The following NRG3 variants were observed in gnomAD, a reference collection of about 807,000 sequenced individuals.
The protein encoded by NRG3 is pro-neuregulin-3, membrane-bound isoform.
In NRG3, 31 loss-of-function variants were observed where a neutral mutation model predicts 66.9. That is an observed-to-expected ratio of 0.46 (90% confidence interval 0.35 to 0.63). NRG3 has a LOEUF of 0.63. NRG3 is among the 20% of genes least tolerant of loss of function. The probability of loss-of-function intolerance (pLI) is 0.00; values close to 1 mark genes in which losing one functional copy is unlikely to be tolerated. For missense variants in NRG3, 910 were observed against 878.9 expected, an observed-to-expected ratio of 1.04 and a Z score of -0.45; for synonymous variants, 393 against 359.4, an observed-to-expected ratio of 1.09 and a Z score of -1.06.
At chr10:82,813,359 A>C (rs1168876018) in intron 3 of NRG3, among the ~76,000 whole-genome samples, 3 of 151,706 alleles carry the variant, frequency 2.0e-5, no homozygotes, top group African/African-American at 7.3e-5. Context: ...GATTACAGGC[A>C]TCCACCACCA....
At chr10:82,853,110 A>T (rs342384) in intron 3 of NRG3, among the ~76,000 whole-genome samples, 27,515 of 152,134 alleles carry the variant, frequency 0.18, 2,838 homozygotes, top group African/African-American at 0.3. Context: ...TGAGCAATAA[A>T]TTATATAATT....
intron 2 of NRG3, among the ~76,000 whole-genome samples, chr10:82,533,160 G>C (rs981945197): frequency 2.0e-5 from 3 of 149,352 alleles, no homozygotes; most frequent in Admixed American, 2.0e-4. Context: ...TTGTTTGTTT[G>C]TTTTCTATTG....
At chr10:82,958,589 G>C (rs1354461359) in intron 5 of NRG3, among the ~76,000 whole-genome samples, 1 of 152,144 alleles carries the variant, frequency 6.6e-6, no homozygotes, top group East Asian at 1.9e-4. Context: ...TACCTGCTAA[G>C]CCCAAGTCTT....
chr10:81,985,379 C>A (rs571593619), intron 1 of NRG3, among the ~76,000 whole-genome samples: 1 of 152,330 alleles, frequency 6.6e-6, no homozygotes, highest in Non-Finnish European at 1.5e-5. Context: ...GTGGCCCAAG[C>A]TCATCTTCAG....
chr10:82,073,231 A>G (rs761673153), intron 1 of NRG3, among the ~76,000 whole-genome samples: 34 of 152,320 alleles, frequency 2.2e-4, no homozygotes, highest in Middle Eastern at 3.4e-3. Flanking sequence ...GAGTTTCACT[A>G]CTTCTTAAGA....
At chr10:82,304,223 T>C (rs1348835904) in intron 1 of NRG3, among the ~76,000 whole-genome samples, 1 of 152,210 alleles carries the variant, frequency 6.6e-6, no homozygotes, top group African/African-American at 2.4e-5. Context: ...CTGTGCAATT[T>C]AAACTTATTT....
chr10:82,081,550 G>T (rs1448947332), intron 1 of NRG3, among the ~76,000 whole-genome samples: 3 of 152,172 alleles, frequency 2.0e-5, no homozygotes, highest in Non-Finnish European at 4.4e-5. Flanking sequence ...TAGGTTAACA[G>T]TCTTTCTAGG....
chr10:82,856,667 C>A (rs545690021), intron 3 of NRG3, among the ~76,000 whole-genome samples: 1 of 142,164 alleles, frequency 7.0e-6, no homozygotes, highest in African/African-American at 2.6e-5. Flanking sequence ...TCACTTAAAC[C>A]TGGGAGGCAG....
At chr10:82,469,810 A>G (rs1564958364) in intron 2 of NRG3, among the ~76,000 whole-genome samples, 1 of 151,672 alleles carries the variant, frequency 6.6e-6, no homozygotes, top group African/African-American at 2.4e-5. Context: ...TTCAGATTAG[A>G]TGGTGAAAAT....
At chr10:82,949,595 C>T (rs1849326577) in intron 4 of NRG3, among the ~76,000 whole-genome samples, 2 of 152,072 alleles carry the variant, frequency 1.3e-5, no homozygotes, top group Non-Finnish European at 2.9e-5. Context: ...TGGCTCACAC[C>T]TGTAATCCCA....
intron 1 of NRG3, among the ~76,000 whole-genome samples, chr10:82,263,869 G>A (rs535020020): frequency 1.8e-4 from 27 of 152,308 alleles, no homozygotes; most frequent in African/African-American, 6.3e-4. Flanking sequence ...CTTTTAAAGT[G>A]ATGGTTTATA....
intron 3 of NRG3, among the ~76,000 whole-genome samples, chr10:82,859,601 C>T (rs565382304): frequency 6.6e-6 from 1 of 152,248 alleles, no homozygotes; most frequent in Admixed American, 6.5e-5. Context: ...ATTGTTCAGT[C>T]ATAGAGAATT....
chr10:82,580,493 A>T (rs2046296617), intron 2 of NRG3, among the ~76,000 whole-genome samples: 2 of 151,960 alleles, frequency 1.3e-5, no homozygotes, highest in South Asian at 4.1e-4. Flanking sequence ...ATCCACCATC[A>T]GAGTATAACA....
At chr10:82,120,747 G>A (rs2068032901) in intron 1 of NRG3, among the ~76,000 whole-genome samples, 1 of 151,534 alleles carries the variant, frequency 6.6e-6, no homozygotes, top group South Asian at 2.1e-4. Context: ...ATGCAAGAAG[G>A]TTTGCTTGGC....
rs544322911 is a variant in NRG3 at position 81,955,195 on chromosome 10, C to T, written c.823+79032C>T. On this transcript the variant is annotated intron_variant, in intron 1 of 8. Transcript: ENST00000372141. ...ATACTATATATATTATATATATATA[C>T]ACACACACATACAGAGAGTGAGAGA... Among the ~76,000 whole-genome samples, 133 of 147,528 alleles carry T rather than the reference C, an allele frequency of 9.0e-4. 1 individual carries two copies. The highest frequency in any genetic ancestry group is 2.7e-3 in the African/African-American group (110 of 40,416).
intron 2 of NRG3, among the ~76,000 whole-genome samples, chr10:82,720,664 C>T (rs1160579999): frequency 1.3e-5 from 2 of 151,842 alleles, no homozygotes; most frequent in Non-Finnish European, 2.9e-5. Flanking sequence ...GTAATGCTCT[C>T]AGCACATGGG....
At chr10:82,147,484 T>G (rs1380625011) in intron 1 of NRG3, among the ~76,000 whole-genome samples, 1 of 152,188 alleles carries the variant, frequency 6.6e-6, no homozygotes, top group East Asian at 1.9e-4. Flanking sequence ...TTCCATTATT[T>G]TAATGAGAAT....
In NRG3 at chr10:82,788,845, C is replaced by T. The variant is rs145789412; in HGVS notation, c.1027+50195C>T. On this transcript the variant is annotated intron_variant, in intron 3 of 8. Coordinates refer to ENST00000372141, the MANE Select transcript of NRG3 (RefSeq NM_001010848.4). ...GCCTGGCTTATTTCACTTAGGGTAA[C>T]GTATTAAATATTCACCTATGTCATA... 7.2e-5 allele frequency among the ~76,000 whole-genome samples: 11 copies of T among 151,910 alleles called. No individual in the cohort carries two copies. The East Asian group carries it at 9.7e-4, about 13-fold the overall frequency.
chr10:82,866,646 C>G (rs934270693), intron 4 of NRG3, among the ~76,000 whole-genome samples: 1 of 151,882 alleles, frequency 6.6e-6, no homozygotes, highest in Admixed American at 6.6e-5. Context: ...AAATGAAGCG[C>G]GATGGAATGT....
Sources: gnomAD v4.1 joint callset for allele counts (sites outside exome capture counted in the v4.1 genomes callset) on GRCh38, gnomAD v4.1.1 for gene constraint, MANE v1.5 for transcripts, NCBI Gene and HGNC (gene_info 2026-07-23, HGNC 2026-07-21) for gene names.